The following HEPH variants were observed in gnomAD, a reference collection of about 807,000 sequenced individuals.
HEPH encodes hephaestin.
A neutral mutation model predicts 80.8 loss-of-function variants in HEPH; 69 were observed. The observed-to-expected ratio is 0.85, with a 90% CI of 0.70 to 1.04. HEPH has a LOEUF of 1.04. Among genes scored for constraint, HEPH ranks in the 50% least tolerant of loss-of-function variants. HEPH has a pLI of 0.00. For missense variants in HEPH, 1,115 were observed against 891.3 expected, an observed-to-expected ratio of 1.25 and a Z score of -3.20; for synonymous variants, 431 against 322.8, an observed-to-expected ratio of 1.34 and a Z score of -3.60.
At chrX:66,179,844 G>C (rs191615998) in intron 4 of HEPH, among the ~76,000 whole-genome samples, 3 of 111,488 alleles carry the variant, frequency 2.7e-5, no homozygotes, top group African/African-American at 9.8e-5. Context: ...GGCCCTCTTT[G>C]TCTCTTTTAA....
chrX:66,200,384 T>A (rs1304654807), intron 11 of HEPH, 156 bp from the exon 12 acceptor site: 2 of 448,863 alleles, frequency 4.5e-6, no homozygotes, highest in African/African-American at 2.5e-5. Flanking sequence ...ACGAGTAGAG[T>A]TAAAGTGGCA....
chrX:66,234,530 C>T (rs1473607695), intron 15 of HEPH, among the ~76,000 whole-genome samples: 1 of 111,335 alleles, frequency 9.0e-6, no homozygotes, highest in African/African-American at 3.3e-5. Context: ...TACACTCCCA[C>T]CAACAGTGTA....
At chrX:66,262,084 C>A (rs970715933) in intron 19 of HEPH, among the ~76,000 whole-genome samples, 2 of 112,446 alleles carry the variant, frequency 1.8e-5, no homozygotes, top group African/African-American at 3.2e-5. Flanking sequence ...GCCCATAAAT[C>A]TTTTCTATTT....
chrX:66,179,396 T>C (rs975256250), intron 4 of HEPH, among the ~76,000 whole-genome samples: 2 of 111,910 alleles, frequency 1.8e-5, no homozygotes, highest in African/African-American at 6.5e-5. Context: ...TCCAGCTTTG[T>C]TCTTTTTGCT....
chrX:66,201,249 G>A lies in HEPH; in HGVS notation c.2077+497G>A, dbSNP rs751659539. 1.5e-3 allele frequency among the ~76,000 whole-genome samples: 167 copies of A among 110,566 alleles called. 1 individual carries two copies. The highest frequency in any genetic ancestry group is 2.7e-3 in the Non-Finnish European group (144 of 52,932). ...CCTGCCACCCCGTGTGTGTGTTTGT[G>A]TGTGTGTGTGGTGATGTAACAATTT... On this transcript the variant is annotated intron_variant, in intron 12 of 20. Coordinates refer to ENST00000343002, the MANE Select transcript of HEPH (RefSeq NM_001367233.3).
intron 15 of HEPH, among the ~76,000 whole-genome samples, chrX:66,228,131 G>A (rs1211499085): frequency 9.0e-6 from 1 of 111,668 alleles, no homozygotes; most frequent in Non-Finnish European, 1.9e-5. Flanking sequence ...GAAGGTGAAA[G>A]TCACATCCCA....
At chrX:66,215,560 G>C (rs1334394823) in intron 15 of HEPH, among the ~76,000 whole-genome samples, 1 of 111,628 alleles carries the variant, frequency 9.0e-6, no homozygotes, top group African/African-American at 3.3e-5. Context: ...CAAGATAACT[G>C]ACCTAAAACC....
In HEPH at chrX:66,208,186, T is replaced by TGGC; in HGVS notation, c.2503_2504insGGC (p.Ser835delinsTrpPro). On this transcript the variant is annotated protein_altering_variant, in exon 15 of 21. Transcript: ENST00000343002. ...CAAGAATAATGCCAGCCGCCCCTAC[T>TGGC]CTGTGCATGCTCATGGAGTGCTAGA... 1 of 1,208,330 alleles carries TGGC rather than the reference T, an allele frequency of 8.3e-7. No individual in the cohort carries two copies. Among genetic ancestry groups the TGGC allele is most frequent in the Non-Finnish European group, 1.1e-6 (1 of 892,725 alleles).
intron 5 of HEPH, among the ~76,000 whole-genome samples, chrX:66,189,228 G>A (rs181430768): frequency 3.9e-4 from 44 of 112,180 alleles, no homozygotes; most frequent in African/African-American, 1.3e-3. Context: ...AGGATGGCTT[G>A]GATAGCTCAA....
At chrX:66,191,954 ACT>A (rs1237891248) in intron 6 of HEPH, among the ~76,000 whole-genome samples, 174 bp from the exon 7 acceptor site, 3 of 110,371 alleles carry the variant, frequency 2.7e-5, no homozygotes, top group African/African-American at 6.6e-5. Flanking sequence ...TCTACCCTGG[ACT>A]CTCTCTCTCA....
intron 1 of HEPH, among the ~76,000 whole-genome samples, chrX:66,164,673 T>C (rs1477306706): frequency 8.9e-6 from 1 of 111,998 alleles, no homozygotes; most frequent in East Asian, 2.8e-4. Context: ...TAGCCAGGAC[T>C]ACACTGGCTT....
At chrX:66,180,138 CTTG>C (rs1276179109) in intron 4 of HEPH, among the ~76,000 whole-genome samples, 7 of 110,057 alleles carry the variant, frequency 6.4e-5, no homozygotes, top group African/African-American at 2.0e-4. Flanking sequence ...GCCTGTGTAC[CTTG>C]TTTTTTTTTT....
At chrX:66,203,660 T>C in intron 13 of HEPH, 83 bp downstream of exon 13, 1 of 816,246 alleles carries the variant, frequency 1.2e-6, no homozygotes, top group Non-Finnish European at 1.8e-6. Flanking sequence ...ATGAGGAGAC[T>C]CTTATCTCAG....
Position 66,255,116 on chromosome X carries a change from A to T in HEPH, c.2645A>T (p.Tyr882Phe), listed in dbSNP as rs1205275934. The change falls in exon 16 of 21, where the codon TAT (tyrosine) becomes TTT (phenylalanine). Residue 882 changes from tyrosine to phenylalanine, a missense_variant. By Grantham distance (22) the Tyr-to-Phe change is conservative. This residue lies in a region of HEPH where 716 missense variants were observed against 523.5 expected (regional missense o/e 1.37). Transcript: ENST00000343002. ...PNDSACVSWI[Y>F]YSAVDPIKDM... The stretch of plus-strand genomic sequence containing the variant: ...GACTCTGCTTGTGTTTCCTGGATCT[A>T]TTATTCTGCAGTGGATCCCATCAAG... 8.3e-7 allele frequency: 1 copy of T among 1,203,486 alleles called. No homozygotes were observed.
At chrX:66,179,741 G>A (rs779023038) in intron 4 of HEPH, among the ~76,000 whole-genome samples, 2 of 110,945 alleles carry the variant, frequency 1.8e-5, no homozygotes, top group Non-Finnish European at 3.8e-5. Context: ...ATTAGTAATT[G>A]TTTTATAAAT....
At position 66,256,255 on chromosome X, in the gene HEPH, GCA is replaced by G; in HGVS notation, c.2822_2823del (p.Ala941AspfsTer11). On this transcript the variant is annotated frameshift_variant, in exon 17 of 21. Transcript: ENST00000343002. LOFTEE classifies it high-confidence loss of function. ...NKSWYLEENVATHGSQDPGSI... is the reference protein window; with the variant it reads ...NKSWYLEENVXTHGSQDPGSI... ...GTCTTGGTATTTGGAGGAAAATGTG[GCA>G]ACCCATGGGTCCCAGGATCCAGGCA... is the stretch of plus-strand genomic sequence containing the variant. The G allele has an allele frequency of 8.3e-7, 1 of 1,211,041 alleles. No individual in the cohort carries two copies. The highest frequency in any genetic ancestry group is 1.1e-6 in the Non-Finnish European group (1 of 894,984).
At chrX:66,237,311 GAGA>G (rs2090401672) in intron 15 of HEPH, among the ~76,000 whole-genome samples, 3 of 111,518 alleles carry the variant, frequency 2.7e-5, no homozygotes, top group African/African-American at 9.8e-5. Context: ...CTGTGTCCCA[GAGA>G]TTCTGTAATG....
At chrX:66,244,959 T>C (rs1329802679) in intron 15 of HEPH, among the ~76,000 whole-genome samples, 1 of 110,751 alleles carries the variant, frequency 9.0e-6, no homozygotes, top group African/African-American at 3.3e-5. Context: ...TTATACATAT[T>C]ATTAAAGCAA....
chrX:66,165,740 C>T (rs1214598825), intron 1 of HEPH, among the ~76,000 whole-genome samples: 1 of 111,767 alleles, frequency 8.9e-6, no homozygotes, highest in African/African-American at 3.2e-5. Context: ...CTAAACTATC[C>T]AAATAGCCTA....
Sources: gnomAD v4.1 joint callset for allele counts (sites outside exome capture counted in the v4.1 genomes callset) on GRCh38, gnomAD v4.1.1 for gene constraint, gnomAD v4.1.1 regional missense constraint, MANE v1.5 for transcripts, NCBI Gene and HGNC (gene_info 2026-07-23, HGNC 2026-07-21) for gene names.